The following SLC35D4 variants were observed in gnomAD, a reference collection of about 807,000 sequenced individuals.
SLC35D4 encodes the protein solute carrier family 35 member D4.
the SLC35D4 span, among the ~76,000 whole-genome samples, chr18:23,380,505 T>C: frequency 1.2e-3 from 185 of 152,232 alleles, no homozygotes; most frequent in Non-Finnish European, 2.0e-3. Context: ...CCATGCCGAA[T>C]TACTGGAGCT....
At chr18:23,369,438 G>C in the SLC35D4 span, among the ~76,000 whole-genome samples, 1 of 152,186 alleles carries the variant, frequency 6.6e-6, no homozygotes, top group Non-Finnish European at 1.5e-5. Flanking sequence ...CTGCTCCATT[G>C]ACTGGCTGCA....
At chr18:23,304,853 G>A in the SLC35D4 span, among the ~76,000 whole-genome samples, 1 of 152,096 alleles carries the variant, frequency 6.6e-6, no homozygotes, top group Non-Finnish European at 1.5e-5. Flanking sequence ...CTCTTCCTCT[G>A]CATAAGGCCC....
the SLC35D4 span, among the ~76,000 whole-genome samples, chr18:23,335,959 G>A: frequency 6.6e-6 from 1 of 152,064 alleles, no homozygotes; most frequent in African/African-American, 2.4e-5. Flanking sequence ...ATTCATTCAA[G>A]TCAGAAGTTG....
the SLC35D4 span, among the ~76,000 whole-genome samples, chr18:23,284,348 A>G: frequency 6.6e-6 from 1 of 152,180 alleles, no homozygotes; most frequent in Non-Finnish European, 1.5e-5. Flanking sequence ...TCATCTACAT[A>G]ACAAGAATCT....
chr18:23,413,982 C>T, the SLC35D4 span, among the ~76,000 whole-genome samples: 154 of 145,190 alleles, frequency 1.1e-3, no homozygotes, highest in African/African-American at 3.7e-3. Context: ...GAGGGCTGGG[C>T]GCGGTGGCTC....
the SLC35D4 span, among the ~76,000 whole-genome samples, chr18:23,406,027 T>G: frequency 6.6e-6 from 1 of 152,336 alleles, no homozygotes; most frequent in East Asian, 1.9e-4. Context: ...AGTCATTTCT[T>G]CAGGAAGAAA....
At chr18:23,298,548 T>C in the SLC35D4 span, among the ~76,000 whole-genome samples, 1 of 152,344 alleles carries the variant, frequency 6.6e-6, no homozygotes, top group South Asian at 2.1e-4. Flanking sequence ...AAGTGGGGAA[T>C]CATAATTTTC....
At chr18:23,285,415 C>T in the SLC35D4 span, among the ~76,000 whole-genome samples, 1 of 152,038 alleles carries the variant, frequency 6.6e-6, no homozygotes, top group Non-Finnish European at 1.5e-5. Context: ...TCTGAAATGC[C>T]GCTTGACCCC....
the SLC35D4 span, among the ~76,000 whole-genome samples, chr18:23,358,313 CT>C: frequency 6.6e-6 from 1 of 152,146 alleles, no homozygotes. Context: ...AGCACCCAGT[CT>C]TTCATCAGAA....
At chr18:23,257,179 G>C in the SLC35D4 span, 1 of 1,601,612 alleles carries the variant, frequency 6.2e-7, no homozygotes, top group Non-Finnish European at 8.5e-7. Flanking sequence ...GAAAGACTAG[G>C]ATTTTAATTT....
At chr18:23,384,674 C>T in the SLC35D4 span, among the ~76,000 whole-genome samples, 3 of 152,220 alleles carry the variant, frequency 2.0e-5, no homozygotes, top group Non-Finnish European at 4.4e-5. Context: ...ACGCCTTGTC[C>T]TGTGGTGCTG....
chr18:23,374,485 CTT>C, the SLC35D4 span, among the ~76,000 whole-genome samples: 464 of 139,246 alleles, frequency 3.3e-3, 4 homozygotes, highest in Middle Eastern at 0.011. Context: ...GATATGACAT[CTT>C]TTTTTTTTTT....
chr18:23,340,140 T>C, the SLC35D4 span, among the ~76,000 whole-genome samples: 1 of 152,038 alleles, frequency 6.6e-6, no homozygotes, highest in Non-Finnish European at 1.5e-5. Flanking sequence ...TGTAAGAATC[T>C]AGTGCTTGGG....
At chr18:23,374,485 CTTT>C in the SLC35D4 span, among the ~76,000 whole-genome samples, 4 of 139,352 alleles carry the variant, frequency 2.9e-5, no homozygotes, top group Admixed American at 7.3e-5. Flanking sequence ...GATATGACAT[CTTT>C]TTTTTTTTTT....
chr18:23,352,536 C>G, the SLC35D4 span, among the ~76,000 whole-genome samples: 4 of 152,140 alleles, frequency 2.6e-5, no homozygotes. Context: ...ATTTCAGAGG[C>G]CTCTGGCTAA....
the SLC35D4 span, among the ~76,000 whole-genome samples, chr18:23,379,269 G>T: frequency 6.6e-6 from 1 of 151,970 alleles, no homozygotes; most frequent in Non-Finnish European, 1.5e-5. Flanking sequence ...GATTACAGGT[G>T]TGTGCCACCA....
chr18:23,258,687 C>CCAGT, the SLC35D4 span: 1 of 152,208 alleles, frequency 6.6e-6, no homozygotes, highest in South Asian at 2.1e-4. Flanking sequence ...GTGTGTCTCA[C>CCAGT]CAGTCACCTT....
At chr18:23,406,743 C>T in the SLC35D4 span, among the ~76,000 whole-genome samples, 1 of 152,192 alleles carries the variant, frequency 6.6e-6, no homozygotes, top group Non-Finnish European at 1.5e-5. Flanking sequence ...TGAGTGCTGC[C>T]TGAGTCATGA....
At chr18:23,373,702 T>G in the SLC35D4 span, 2 of 1,613,644 alleles carry the variant, frequency 1.2e-6, no homozygotes, top group Non-Finnish European at 1.7e-6. Context: ...ATGAGTTCAC[T>G]TGGACTTACC....
Sources: gnomAD v4.1 joint callset for allele counts (sites outside exome capture counted in the v4.1 genomes callset) on GRCh38, gnomAD v4.1.1 for gene constraint, MANE v1.5 for transcripts, NCBI Gene and HGNC (gene_info 2026-07-23, HGNC 2026-07-21) for gene names.